Variants in WNT3A observed in about 807,000 individuals in gnomAD.
The protein encoded by WNT3A is Wnt family member 3A.
WNT3A carries 17 observed loss-of-function variants against 37.0 expected under a neutral mutation model. The ratio of observed to expected loss-of-function variants is 0.46; its 90% CI spans 0.31 to 0.69. WNT3A has a LOEUF of 0.69. Among genes scored for constraint, WNT3A ranks in the 30% least tolerant of loss-of-function variants. The pLI, the probability that WNT3A is intolerant of heterozygous loss-of-function variation, is 0.05. For synonymous variants in WNT3A, 187 were observed against 211.0 expected (o/e 0.89, Z 0.99); for missense variants, 411 against 510.2 (o/e 0.81, Z 1.87).
At chr1:228,030,563 C>A (rs993285848) in intron 2 of WNT3A, among the ~76,000 whole-genome samples, 6 of 152,144 alleles carry the variant, frequency 3.9e-5, no homozygotes, top group Admixed American at 1.3e-4. Context: ...GGGCACTGAA[C>A]CTGCCAGTGC....
chr1:228,051,044 G>C lies in WNT3A; in HGVS notation c.579+123G>C, dbSNP rs539436609. ...TGGTGGCCAGGCTGAGGGTCTTCTC[G>C]ACCCCTGCCTGGGGTGTGCGAAGCT... On this transcript the variant is annotated intron_variant, in intron 3 of 3. Transcript: ENST00000284523. The C allele has an allele frequency of 2.1e-4, 271 of 1,265,296 alleles. No individual in the cohort carries two copies. In the African/African-American group the frequency reaches 3.6e-3, roughly 17 times the overall value. The allele number at this position is 1,265,296 out of a possible 1,614,324, so 78.4% of individuals were successfully genotyped here.
Position 228,060,040 on chromosome 1 carries a change from C to A in WNT3A, c.*575C>A, listed in dbSNP as rs1571819959. On this transcript the variant is annotated 3_prime_UTR_variant, in exon 4 of 4. Transcript: ENST00000284523. The stretch of plus-strand genomic sequence containing the variant: ...GAGCTTCTCCTGACCAGGGCAAGGC[C>A]CCTTCCACGGGGGCTGTGGCTCTGG... The A allele has an allele frequency of 1.7e-5, 20 of 1,190,604 alleles. No individual in the cohort carries two copies. The East Asian group carries it at 2.3e-4, about 14-fold the overall frequency. 73.8% of individuals were successfully genotyped at this position (1,190,604 alleles called of 1,614,324 possible). A position where few individuals can be genotyped will look rare whatever the true frequency, so the allele number is the denominator to read the frequency against.
chr1:228,017,587 C>T (rs1185506164), intron 1 of WNT3A, among the ~76,000 whole-genome samples: 2 of 152,196 alleles, frequency 1.3e-5, no homozygotes, highest in African/African-American at 4.8e-5. Flanking sequence ...ATGGCACAGG[C>T]CTGTGGTTCC....
chr1:228,009,261 G>A (rs867642831), intron 1 of WNT3A, among the ~76,000 whole-genome samples: 10 of 152,066 alleles, frequency 6.6e-5, no homozygotes, highest in African/African-American at 1.2e-4. Context: ...CAGGCTGCTC[G>A]GGCTGGAGCA....
At chr1:228,013,446 G>A (rs2030435472) in intron 1 of WNT3A, among the ~76,000 whole-genome samples, 1 of 152,242 alleles carries the variant, frequency 6.6e-6, no homozygotes, top group African/African-American at 2.4e-5. Context: ...CTGCCGCCCA[G>A]GGAAACTGGC....
chr1:228,058,934 G>A, intron 3 of WNT3A, 52 bp from the exon 4 acceptor site: 3 of 1,522,518 alleles, frequency 2.0e-6, no homozygotes. Flanking sequence ...GTTTCCTCGG[G>A]GAGACGCACC....
intron 2 of WNT3A, among the ~76,000 whole-genome samples, chr1:228,036,499 A>G (rs1295030575): frequency 6.6e-6 from 1 of 152,170 alleles, no homozygotes; most frequent in Non-Finnish European, 1.5e-5. Flanking sequence ...TGGGGCCACC[A>G]GACTGAGGCT....
At chr1:228,047,461 G>A (rs1024405533) in intron 2 of WNT3A, among the ~76,000 whole-genome samples, 2 of 152,018 alleles carry the variant, frequency 1.3e-5, no homozygotes, top group Non-Finnish European at 2.9e-5. Context: ...GGCCGTGTGG[G>A]AGCGTCTGAG....
chr1:228,045,220 G>A (rs2031372798), intron 2 of WNT3A, among the ~76,000 whole-genome samples: 1 of 152,248 alleles, frequency 6.6e-6, no homozygotes. Flanking sequence ...CTCAGGCTCT[G>A]GTTCTCCTCT....
At chr1:228,040,405 C>A (rs2031249689) in intron 2 of WNT3A, among the ~76,000 whole-genome samples, 1 of 152,212 alleles carries the variant, frequency 6.6e-6, no homozygotes, top group Non-Finnish European at 1.5e-5. Context: ...CCTGTCCCTG[C>A]CGAAATGCTT....
At chr1:228,019,493 C>T (rs2030625273) in intron 1 of WNT3A, among the ~76,000 whole-genome samples, 1 of 152,248 alleles carries the variant, frequency 6.6e-6, no homozygotes, top group African/African-American at 2.4e-5. Flanking sequence ...ACACCTCTTG[C>T]TCACTTCCCT....
chr1:228,025,145 T>C (rs1172699765), intron 2 of WNT3A, among the ~76,000 whole-genome samples: 1 of 152,174 alleles, frequency 6.6e-6, no homozygotes, highest in Non-Finnish European at 1.5e-5. Flanking sequence ...TTTGGCTATT[T>C]GGGGTCCCTT....
chr1:228,045,588 G>T (rs1204930692), intron 2 of WNT3A, among the ~76,000 whole-genome samples: 2 of 152,224 alleles, frequency 1.3e-5, no homozygotes, highest in Non-Finnish European at 2.9e-5. Flanking sequence ...TCTGCATCCA[G>T]CCACACGTGT....
intron 2 of WNT3A, among the ~76,000 whole-genome samples, chr1:228,047,789 G>T (rs936615133): frequency 1.3e-5 from 2 of 152,108 alleles, no homozygotes; most frequent in African/African-American, 4.8e-5. Flanking sequence ...GCGAGAGCAG[G>T]AGCGGGATAA....
chr1:228,047,678 T>G (rs1026035697), intron 2 of WNT3A, among the ~76,000 whole-genome samples: 4 of 152,206 alleles, frequency 2.6e-5, no homozygotes, highest in Admixed American at 6.5e-5. Flanking sequence ...CTCAGGGTTC[T>G]GCAGGCTGCA....
intron 2 of WNT3A, among the ~76,000 whole-genome samples, chr1:228,026,076 T>C (rs1042198621): frequency 4.6e-5 from 7 of 151,892 alleles, no homozygotes; most frequent in African/African-American, 1.7e-4. Flanking sequence ...GTTTTCTTAA[T>C]TTTTTTTCAG....
At chr1:228,010,229 A>G (rs1183688292) in intron 1 of WNT3A, among the ~76,000 whole-genome samples, 1 of 152,200 alleles carries the variant, frequency 6.6e-6, no homozygotes, top group African/African-American at 2.4e-5. Flanking sequence ...CCCGCACTCC[A>G]GGGCACTCTG....
chr1:228,053,792 G>A (rs1422796528), intron 3 of WNT3A, among the ~76,000 whole-genome samples: 2 of 152,212 alleles, frequency 1.3e-5, no homozygotes, highest in African/African-American at 4.8e-5. Context: ...GAGAGAGGAG[G>A]ATGGGGGTGT....
chr1:228,049,988 A>C (rs973566626), intron 2 of WNT3A, among the ~76,000 whole-genome samples: 3 of 152,052 alleles, frequency 2.0e-5, no homozygotes, highest in African/African-American at 7.3e-5. Context: ...TACATTGCCA[A>C]GGCTGGTCTC....
Sources: gnomAD v4.1 joint callset for allele counts (sites outside exome capture counted in the v4.1 genomes callset) on GRCh38, gnomAD v4.1.1 for gene constraint, MANE v1.5 for transcripts, NCBI Gene and HGNC (gene_info 2026-07-23, HGNC 2026-07-21) for gene names.